SMARCAD1: variants seen among roughly 807,000 people sequenced by gnomAD.
SMARCAD1 encodes SWI/SNF-related matrix-associated actin-dependent regulator of chromatin subfamily A containing DEAD/H box 1.
A neutral mutation model predicts 127.1 loss-of-function variants in SMARCAD1; 25 were observed. The ratio of observed to expected loss-of-function variants is 0.20; its 90% CI spans 0.14 to 0.27. The LOEUF is 0.27. SMARCAD1 is among the 10% of genes least tolerant of loss of function. SMARCAD1 has a pLI of 1.00. For missense variants in SMARCAD1, 807 were observed against 1,206.0 expected (o/e 0.67, Z 4.90); for synonymous variants, 400 against 396.9 (o/e 1.01, Z -0.09).
At chr4:94,288,045 C>T (rs1211751225) in intron 23 of SMARCAD1, among the ~76,000 whole-genome samples, 3 of 151,712 alleles carry the variant, frequency 2.0e-5, no homozygotes, top group African/African-American at 4.8e-5. Context: ...AAAAATACAG[C>T]GATTTAACAG....
intron 2 of SMARCAD1, among the ~76,000 whole-genome samples, chr4:94,217,647 T>G (rs971450989): frequency 6.6e-6 from 1 of 152,230 alleles, no homozygotes; most frequent in Admixed American, 6.5e-5. Context: ...AGATTTTCTT[T>G]GTGGCCTAAT....
intron 5 of SMARCAD1, among the ~76,000 whole-genome samples, chr4:94,239,608 TG>T (rs1747276169): frequency 6.6e-6 from 1 of 151,660 alleles, no homozygotes; most frequent in African/African-American, 2.4e-5. Flanking sequence ...GGCCTCACTC[TG>T]TCACCTAGGC....
At chr4:94,251,153 A>C (rs2125914272) in intron 8 of SMARCAD1, among the ~76,000 whole-genome samples, 1 of 152,266 alleles carries the variant, frequency 6.6e-6, no homozygotes, top group African/African-American at 2.4e-5. Context: ...GTCAGGATGG[A>C]TCTTGTGATT....
chr4:94,284,919 A>G lies in SMARCAD1; in HGVS notation c.2910-41A>G, dbSNP rs767455327. The G allele has an allele frequency of 3.4e-6, 4 of 1,177,136 alleles. No individual in the cohort carries two copies. In the South Asian group the frequency reaches 4.9e-5, roughly 15 times the overall value. 72.9% of individuals were successfully genotyped at this position (1,177,136 alleles called of 1,614,324 possible). A position where few individuals can be genotyped will look rare whatever the true frequency, so the allele number is the denominator to read the frequency against. ...ATAGTTTACATATATCCAAATAACT[A>G]TATTTAGTAACCAATGGACATATTT... On this transcript the variant is annotated intron_variant, in intron 22 of 23. Transcript: ENST00000354268.
At chr4:94,211,311 T>C (rs1481330821) in intron 2 of SMARCAD1, among the ~76,000 whole-genome samples, 1 of 152,120 alleles carries the variant, frequency 6.6e-6, no homozygotes, top group Non-Finnish European at 1.5e-5. Context: ...TCAAAGGTCC[T>C]GCCCCCAAGT....
chr4:94,250,805 A>C lies in SMARCAD1; in HGVS notation c.861A>C (p.Glu287Asp). Residue 287 changes from glutamate (E) to aspartate (D), a missense_variant, in exon 8 of 24, where the codon GAA (glutamate) becomes GAC (aspartate). Physicochemically the swap from Glu to Asp is conservative, Grantham distance 45. This residue lies in a region of SMARCAD1 where 257 missense variants were observed against 303.4 expected (regional missense o/e 0.85). Coordinates refer to ENST00000354268, the MANE Select transcript of SMARCAD1 (RefSeq NM_020159.5). ...EHEWMYTEAL[E>D]SLKVFAEDQD... ...AATGGATGTACACAGAAGCTTTAGA[A>C]TCTCTAAAAGTGTTTGCAGAAGACC... The C allele has an allele frequency of 1.2e-6, 2 of 1,612,620 alleles. No individual in the cohort carries two copies. Among genetic ancestry groups the C allele is most frequent in the South Asian group, 1.1e-5 (1 of 90,958 alleles).
chr4:94,269,322 T>C (rs1308277633), intron 10 of SMARCAD1, among the ~76,000 whole-genome samples: 1 of 152,088 alleles, frequency 6.6e-6, no homozygotes, highest in Non-Finnish European at 1.5e-5. Context: ...AAGAGGAGAT[T>C]AAGGGGACAG....
At chr4:94,268,642 C>T (rs1225506401) in intron 10 of SMARCAD1, among the ~76,000 whole-genome samples, 1 of 152,114 alleles carries the variant, frequency 6.6e-6, no homozygotes, top group Non-Finnish European at 1.5e-5. Flanking sequence ...CTCTGGATCA[C>T]ACCTGGATTG....
rs140357178 is a variant in SMARCAD1 at position 94,232,392 on chromosome 4, A to G, written c.369-1562A>G. On this transcript the variant is annotated intron_variant, in intron 3 of 23. Coordinates refer to ENST00000354268, the MANE Select transcript of SMARCAD1 (RefSeq NM_020159.5). ...TATCCAGGGCAGGAATTATAAAAGG[A>G]TTTTAACCTGAATGCTTTCATTTTC... Among the ~76,000 whole-genome samples, 866 of 152,310 alleles carry G rather than the reference A, an allele frequency of 5.7e-3. 3 individuals carry two copies. The highest frequency in any genetic ancestry group is 6.0e-3 in the Non-Finnish European group (411 of 68,022).
intron 9 of SMARCAD1, among the ~76,000 whole-genome samples, chr4:94,264,177 A>G (rs956671379): frequency 6.6e-6 from 1 of 151,950 alleles, no homozygotes; most frequent in Non-Finnish European, 1.5e-5. Flanking sequence ...ACAAATAATT[A>G]GAGTTTTGAA....
Position 94,216,198 on chromosome 4 carries a change from C to G in SMARCAD1, c.190+7614C>G, listed in dbSNP as rs148470934. On this transcript the variant is annotated intron_variant, in intron 2 of 23. Coordinates refer to ENST00000354268, the MANE Select transcript of SMARCAD1 (RefSeq NM_020159.5). ...TTCATGAGTGCTCTGCCCCCATCAC[C>G]TAATACCCCTTCCTCCCTCCAGCAA... Among the ~76,000 whole-genome samples, 1,142 of 152,246 alleles carry G rather than the reference C, an allele frequency of 7.5e-3. 8 individuals carry two copies. Among genetic ancestry groups the G allele is most frequent in the African/African-American group, 0.026 (1,067 of 41,548 alleles).
chr4:94,228,613 TCAC>T (rs1013399341), intron 3 of SMARCAD1, among the ~76,000 whole-genome samples: 1 of 151,942 alleles, frequency 6.6e-6, no homozygotes, highest in East Asian at 1.9e-4. Flanking sequence ...ACTGATTCCT[TCAC>T]CAAGAATATC....
chr4:94,215,036 G>T (rs751562500), intron 2 of SMARCAD1, among the ~76,000 whole-genome samples: 3 of 152,106 alleles, frequency 2.0e-5, no homozygotes, highest in Non-Finnish European at 4.4e-5. Flanking sequence ...TTAGTTTTCT[G>T]TATTCCTTGC....
intron 10 of SMARCAD1, among the ~76,000 whole-genome samples, chr4:94,267,600 A>G (rs955767264): frequency 6.6e-6 from 1 of 152,176 alleles, no homozygotes; most frequent in Non-Finnish European, 1.5e-5. Context: ...TGGAGAAATC[A>G]TAGTAACTCT....
At chr4:94,213,847 T>C (rs1266542529) in intron 2 of SMARCAD1, among the ~76,000 whole-genome samples, 1 of 152,152 alleles carries the variant, frequency 6.6e-6, no homozygotes, top group Non-Finnish European at 1.5e-5. Context: ...AGGTAGTAGA[T>C]GGTTGAATAT....
At chr4:94,226,500 A>G (rs1466678359) in intron 3 of SMARCAD1, among the ~76,000 whole-genome samples, 5 of 123,746 alleles carry the variant, frequency 4.0e-5, no homozygotes, top group African/African-American at 1.7e-4. Context: ...TTTTCTGGAT[A>G]ACAGTGATTT....
chr4:94,239,283 A>G (rs1251637636), intron 5 of SMARCAD1, among the ~76,000 whole-genome samples: 1 of 152,176 alleles, frequency 6.6e-6, no homozygotes, highest in African/African-American at 2.4e-5. Flanking sequence ...AGTTTTCAAC[A>G]AAAGACCTTT....
chr4:94,226,919 C>T (rs1268045260), intron 3 of SMARCAD1, among the ~76,000 whole-genome samples: 7 of 151,394 alleles, frequency 4.6e-5, no homozygotes, highest in Non-Finnish European at 1.0e-4. Context: ...GTCCAGGCTG[C>T]TCTCAGACTC....
intron 21 of SMARCAD1, among the ~76,000 whole-genome samples, chr4:94,282,920 G>T (rs548565505): frequency 6.6e-6 from 1 of 152,126 alleles, no homozygotes; most frequent in Non-Finnish European, 1.5e-5. Context: ...GTAAGAGTTG[G>T]TAGGGGTAGC....
Sources: gnomAD v4.1 joint callset for allele counts (sites outside exome capture counted in the v4.1 genomes callset) on GRCh38, gnomAD v4.1.1 for gene constraint, gnomAD v4.1.1 regional missense constraint, MANE v1.5 for transcripts, NCBI Gene and HGNC (gene_info 2026-07-23, HGNC 2026-07-21) for gene names.